Variants in RNF167 observed in about 807,000 individuals in gnomAD.
RNF167 encodes E3 ubiquitin-protein ligase RNF167.
In RNF167, 19 loss-of-function variants were observed where a neutral mutation model predicts 34.8. That is an observed-to-expected ratio of 0.55 (90% CI 0.38 to 0.80). The LOEUF is 0.80. Among genes scored for constraint, RNF167 ranks in the 30% least tolerant of loss-of-function variants. The pLI is 0.00. For missense variants in RNF167, 464 were observed against 447.0 expected (o/e 1.04, Z -0.34); for synonymous variants, 200 against 170.4 (o/e 1.17, Z -1.35).
chr17:4,943,098 G>C, intron 6 of RNF167, 81 bp from the exon 7 acceptor site: 2 of 1,378,680 alleles, frequency 1.5e-6, no homozygotes, highest in Non-Finnish European at 2.0e-6. Flanking sequence ...TATGGGCTTT[G>C]TCCAGAGCCA....
rs775675214 is a variant in RNF167, at chr17:4,944,618, G to C, written c.731G>C (p.Arg244Pro). The part of the protein sequence containing the change: ...LDEYEDGDKL[R>P]VLPCAHAYHS... ...GAATATGAGGATGGGGACAAGCTGC[G>C]GGTACTCCCCTGTGCTCATGGTGAG... Residue 244 changes from arginine (R) to proline (P), a missense_variant, in exon 9 of 10, where the codon CGG (arginine) becomes CCG (proline). Arg to Pro is a moderately radical substitution (Grantham distance 103). Coordinates refer to ENST00000262482, the MANE Select transcript of RNF167 (RefSeq NM_015528.3). The C allele has an allele frequency of 3.7e-6, 6 of 1,613,042 alleles. No individual in the cohort carries two copies. The highest frequency in any genetic ancestry group is 1.3e-5 in the African/African-American group (1 of 74,840).
Position 4,944,826 on chromosome 17 carries a change from C to T in RNF167, c.863C>T (p.Thr288Ile). The change falls in exon 10 of 10, where the codon ACT becomes ATT. Residue 288 changes from threonine to isoleucine, a missense_variant. Coordinates refer to ENST00000262482, the MANE Select transcript of RNF167 (RefSeq NM_015528.3). ...GPGDEDQEEE[T>I]QGQEEGDEGE... ...GGGGACGAAGACCAAGAGGAAGAAA[C>T]TCAAGGGCAAGAGGAGGGTGATGAA... The T allele has an allele frequency of 6.2e-7, 1 of 1,612,612 alleles. No homozygotes were observed. Among genetic ancestry groups the T allele is most frequent in the Non-Finnish European group, 8.5e-7 (1 of 1,179,296 alleles).
intron 8 of RNF167, 64 bp from the exon 9 acceptor site, chr17:4,944,494 A>T: frequency 6.6e-7 from 1 of 1,514,836 alleles, no homozygotes; most frequent in Non-Finnish European, 8.8e-7. Context: ...GCAAGGCTTT[A>T]AAAGCCTTAG....
At chr17:4,942,533 G>GT (rs1427654058) in intron 4 of RNF167, 44 bp from the exon 5 acceptor site, 1 of 1,613,758 alleles carries the variant, frequency 6.2e-7, no homozygotes, top group Non-Finnish European at 8.5e-7. Context: ...ATGAAGACAG[G>GT]TAAGGCCCAT....
At chr17:4,944,437 A>G in intron 8 of RNF167, 121 bp from the exon 9 acceptor site, 1 of 1,468,054 alleles carries the variant, frequency 6.8e-7, no homozygotes, top group East Asian at 2.5e-5. Flanking sequence ...TATCCTGCCT[A>G]CCTGTCTTAT....
chr17:4,943,749 C>T (rs775783534), intron 8 of RNF167, among the ~76,000 whole-genome samples: 1 of 152,144 alleles, frequency 6.6e-6, no homozygotes, highest in African/African-American at 2.4e-5. Context: ...AGTCCCAGCA[C>T]TTTAGGAGGC....
Position 4,940,567 on chromosome 17 carries a change from G to C in RNF167, c.-343G>C, listed in dbSNP as rs2151115563. 1 of 256,422 alleles carries C rather than the reference G, an allele frequency of 3.9e-6. No individual in the cohort carries two copies. Among genetic ancestry groups the C allele is most frequent in the East Asian group, 7.0e-5 (1 of 14,200 alleles). 15.9% of individuals were successfully genotyped at this position (256,422 alleles called of 1,614,324 possible). A position where few individuals can be genotyped will look rare whatever the true frequency, so the allele number is the denominator to read the frequency against. On this transcript the variant is annotated 5_prime_UTR_variant, in exon 2 of 10. Transcript: ENST00000262482. ...ACCGGAAGCCCTTTTCCAGAGGCTG[G>C]GAACACGGCCCACCTAGCAGGAAGT... is the stretch of plus-strand genomic sequence containing the variant.
chr17:4,943,105 G>C, intron 6 of RNF167, 74 bp from the exon 7 acceptor site: 1 of 1,407,130 alleles, frequency 7.1e-7, no homozygotes. Flanking sequence ...TTTGTCCAGA[G>C]CCAGTTACTT....
rs1567662218 is a variant in RNF167, at chr17:4,944,701, G to T, written c.752-14G>T. On this transcript the variant is annotated splice_polypyrimidine_tract_variant and intron_variant, in intron 9 of 9. Coordinates refer to ENST00000262482, the MANE Select transcript of RNF167 (RefSeq NM_015528.3). ...CAGCAGCCACCAGGTGCTTCACCTTGTTCCTCTCTGCAGCCTACCACAGCC... is the reference window on the plus strand; with the variant it reads ...CAGCAGCCACCAGGTGCTTCACCTTTTTCCTCTCTGCAGCCTACCACAGCC... 6.2e-7 allele frequency: 1 copy of T among 1,614,138 alleles called. No individual in the cohort carries two copies. Among genetic ancestry groups the T allele is most frequent in the Non-Finnish European group, 8.5e-7 (1 of 1,180,022 alleles).
At chr17:4,940,196 AGAG>A (rs923221254), upstream of RNF167, 2 of 340,318 alleles carry the variant, frequency 5.9e-6, no homozygotes, top group Admixed American at 5.1e-5. Context: ...GCGGGAAAAT[AGAG>A]AAGAGTTTGT....
chr17:4,942,378 G>T lies in RNF167; in HGVS notation c.203G>T (p.Ser68Ile). The change falls in exon 4 of 10, where the codon AGC (serine) becomes ATC (isoleucine). Residue 68 changes from serine (S) to isoleucine (I), a missense_variant. Coordinates refer to ENST00000262482, the MANE Select transcript of RNF167 (RefSeq NM_015528.3). Reference sequence around the variant, plus strand: ...GAGGCTCACCCAGACAATGCCTGCAGCCCCATTGCCCCACCACCCCCAGCC... The same window carrying T: ...GAGGCTCACCCAGACAATGCCTGCATCCCCATTGCCCCACCACCCCCAGCC... ...LVEAHPDNAC[S>I]PIAPPPPAPV... 6.2e-7 allele frequency: 1 copy of T among 1,614,042 alleles called. No individual in the cohort carries two copies. Among genetic ancestry groups the T allele is most frequent in the Non-Finnish European group, 8.5e-7 (1 of 1,179,978 alleles).
In RNF167 at chr17:4,945,048, A is replaced by G. The variant is rs750669475; in HGVS notation, c.*32A>G. 12 of 1,490,976 alleles carry G rather than the reference A, an allele frequency of 8.0e-6. No homozygotes were observed. The highest frequency in any genetic ancestry group is 4.7e-5 in the Admixed American group (2 of 42,864). 92.4% of individuals were successfully genotyped at this position (1,490,976 alleles called of 1,614,324 possible). Reference sequence around the variant, plus strand: ...CCCACACATACACCTCTGGTGACCTATTTGCACAGACCGTCGTCTTCCCTC... The same window carrying G: ...CCCACACATACACCTCTGGTGACCTGTTTGCACAGACCGTCGTCTTCCCTC... On this transcript the variant is annotated 3_prime_UTR_variant, in exon 10 of 10. Coordinates refer to ENST00000262482, the MANE Select transcript of RNF167 (RefSeq NM_015528.3).
In RNF167 at chr17:4,945,114, T is replaced by G; in HGVS notation, c.*98T>G. On this transcript the variant is annotated 3_prime_UTR_variant, in exon 10 of 10. Transcript: ENST00000262482. ...TAGGGGACATTCCATCCCAAGCTTCTCCCTTACCCACACCTATCCTTTTGA... is the reference window on the plus strand; with the variant it reads ...TAGGGGACATTCCATCCCAAGCTTCGCCCTTACCCACACCTATCCTTTTGA... 11 of 1,124,790 alleles carry G rather than the reference T, an allele frequency of 9.8e-6. No individual in the cohort carries two copies. Among genetic ancestry groups the G allele is most frequent in the Non-Finnish European group, 1.2e-5 (10 of 804,286 alleles). 69.7% of individuals were successfully genotyped at this position (1,124,790 alleles called of 1,614,324 possible).
intron 3 of RNF167, among the ~76,000 whole-genome samples, chr17:4,941,916 C>CA (rs898286329): frequency 1.4e-4 from 21 of 150,820 alleles, no homozygotes; most frequent in African/African-American, 2.0e-4. Flanking sequence ...GACTCCATCT[C>CA]AAAAAAAAGA....
At chr17:4,940,100 A>G (rs1332252455), upstream of RNF167, 8 of 448,574 alleles carry the variant, frequency 1.8e-5, no homozygotes, top group South Asian at 1.6e-4. Context: ...GCGGAGCTGA[A>G]GGAGGAGCTT....
intron 3 of RNF167, among the ~76,000 whole-genome samples, chr17:4,941,733 A>G (rs538898954): frequency 6.6e-6 from 1 of 152,112 alleles, no homozygotes; most frequent in Non-Finnish European, 1.5e-5. Context: ...CCTGGCCAAC[A>G]TGGAGAAACC....
chr17:4,944,183 A>G (rs1306638836), intron 8 of RNF167, among the ~76,000 whole-genome samples: 1 of 152,222 alleles, frequency 6.6e-6, no homozygotes, highest in Non-Finnish European at 1.5e-5. Flanking sequence ...ACAGAGCAGA[A>G]AAATGGGAGG....
rs1377056544 is a variant in RNF167 at position 4,944,799 on chromosome 17, C to G, written c.836C>G (p.Pro279Arg). The G allele has an allele frequency of 1.2e-6, 2 of 1,612,380 alleles. No homozygotes were observed. Among genetic ancestry groups the G allele is most frequent in the Admixed American group, 1.7e-5 (1 of 59,792 alleles). ...TGCAAGCAGCCTGTTCATCGGGGTC[C>G]TGGGGACGAAGACCAAGAGGAAGAA... ...PICKQPVHRG[P>R]GDEDQEEETQ... Residue 279 changes from proline (P) to arginine (R), a missense_variant, in exon 10 of 10, where the codon CCT becomes CGT. Transcript: ENST00000262482.
Position 4,942,572 on chromosome 17 carries a change from C to T in RNF167, c.292-5C>T, listed in dbSNP as rs1295824329. 3 of 1,614,072 alleles carry T rather than the reference C, an allele frequency of 1.9e-6. No homozygotes were observed. The highest frequency in any genetic ancestry group is 4.5e-5 in the East Asian group (2 of 44,886). On this transcript the variant is annotated splice_polypyrimidine_tract_variant and splice_region_variant and intron_variant, in intron 4 of 9. Coordinates refer to ENST00000262482, the MANE Select transcript of RNF167 (RefSeq NM_015528.3). ...GGCTCCTTGTCCTCTGCCTTGTCTCCCTAGGTCCTAAATGCCCAGAAGGCT... is the reference window on the plus strand; with the variant it reads ...GGCTCCTTGTCCTCTGCCTTGTCTCTCTAGGTCCTAAATGCCCAGAAGGCT...
Sources: gnomAD v4.1 joint callset for allele counts (sites outside exome capture counted in the v4.1 genomes callset) on GRCh38, gnomAD v4.1.1 for gene constraint, MANE v1.5 for transcripts, NCBI Gene and HGNC (gene_info 2026-07-23, HGNC 2026-07-21) for gene names.